The following VPS33A variants were observed in gnomAD, a reference collection of about 807,000 sequenced individuals.
The protein encoded by VPS33A is VPS33A core subunit of CORVET and HOPS complexes.
VPS33A carries 32 observed loss-of-function variants against 71.8 expected under a neutral mutation model. The observed-to-expected ratio is 0.45, with a 90% CI of 0.34 to 0.60. The LOEUF (loss-of-function observed/expected upper bound fraction) is 0.60, where lower values mean the gene tolerates loss of function less well. Ranked by LOEUF, VPS33A falls within the 20% of genes least tolerant of loss-of-function variation. The pLI, the probability that VPS33A is intolerant of heterozygous loss-of-function variation, is 0.02. For missense variants in VPS33A, 625 were observed against 748.5 expected, an observed-to-expected ratio of 0.84 and a Z score of 1.92; for synonymous variants, 311 against 292.7, an observed-to-expected ratio of 1.06 and a Z score of -0.64.
At position 122,251,820 on chromosome 12, in the gene VPS33A, T is replaced by C. The variant is rs961148453; in HGVS notation, c.484-721A>G. Among the ~76,000 whole-genome samples, 7 of 151,352 alleles carry C rather than the reference T, an allele frequency of 4.6e-5. No individual in the cohort carries two copies. In the South Asian group the frequency reaches 1.2e-3, roughly 27 times the overall value. ...GGATAGCATTAGGAGATATACCTAA[T>C]GTAAATGATGAGTTAATGGGTGCAG... On this transcript the variant is annotated intron_variant, in intron 4 of 12. Transcript: ENST00000267199.
At chr12:122,250,929 C>T in intron 5 of VPS33A, 54 bp downstream of exon 5, 3 of 1,301,006 alleles carry the variant, frequency 2.3e-6, no homozygotes, top group African/African-American at 1.5e-5. Flanking sequence ...GTTCCTCCTC[C>T]CTTTTGGGGT....
intron 8 of VPS33A, 63 bp from the exon 9 acceptor site, chr12:122,240,008 CT>C: frequency 1.6e-6 from 2 of 1,241,008 alleles, no homozygotes; most frequent in Non-Finnish European, 2.4e-6. Context: ...GAGTGGCATG[CT>C]TTTATACACA....
chr12:122,242,760 G>T (rs961615070), intron 7 of VPS33A, among the ~76,000 whole-genome samples: 3 of 152,004 alleles, frequency 2.0e-5, no homozygotes, highest in Non-Finnish European at 2.9e-5. Flanking sequence ...CACCATATTG[G>T]TCAGGCTGGT....
intron 8 of VPS33A, 116 bp downstream of exon 8, chr12:122,242,266 G>A: frequency 1.6e-6 from 2 of 1,261,980 alleles, no homozygotes; most frequent in African/African-American, 1.5e-5. Flanking sequence ...AGAACACGTG[G>A]TATTAAGACA....
At chr12:122,262,894 G>A (rs1400971576) in intron 3 of VPS33A, among the ~76,000 whole-genome samples, 1 of 151,868 alleles carries the variant, frequency 6.6e-6, no homozygotes, top group Admixed American at 6.6e-5. Context: ...ATGTTTTGAT[G>A]TGGGCATGCA....
At position 122,231,402 on chromosome 12, in the gene VPS33A, C is replaced by A. The variant is rs944035457; in HGVS notation, c.*844G>T. On this transcript the variant is annotated 3_prime_UTR_variant, in exon 13 of 13. Coordinates refer to ENST00000267199, the MANE Select transcript of VPS33A (RefSeq NM_022916.6). ...GCAAACTTGCCTTAGTGATCAGTTG[C>A]GACAGTGACTGATGACCCTAAATAT... The A allele has an allele frequency of 1.4e-4, 21 of 152,124 alleles. No individual in the cohort carries two copies. Among genetic ancestry groups the A allele is most frequent in the African/African-American group, 4.3e-4 (18 of 41,400 alleles). The allele number at this position is 152,124 out of a possible 1,614,324, so 9.4% of individuals were successfully genotyped here. A position where few individuals can be genotyped will look rare whatever the true frequency, so the allele number is the denominator to read the frequency against.
chr12:122,261,013 CA>C (rs1954986115), intron 4 of VPS33A, among the ~76,000 whole-genome samples: 1 of 152,176 alleles, frequency 6.6e-6, no homozygotes, highest in African/African-American at 2.4e-5. Context: ...AGTTAAAAGA[CA>C]AGTCACAGAC....
intron 11 of VPS33A, among the ~76,000 whole-genome samples, chr12:122,235,421 T>C (rs1168206444): frequency 6.6e-6 from 1 of 151,994 alleles, no homozygotes; most frequent in Non-Finnish European, 1.5e-5. Context: ...CGCACCACAA[T>C]GCTGGGCTAA....
chr12:122,262,825 C>T (rs1304273408), intron 3 of VPS33A, among the ~76,000 whole-genome samples: 1 of 151,488 alleles, frequency 6.6e-6, no homozygotes, highest in African/African-American at 2.4e-5. Flanking sequence ...TTCTCATCCT[C>T]TCTATTTTTA....
intron 9 of VPS33A, among the ~76,000 whole-genome samples, chr12:122,239,392 A>G (rs1954678242): frequency 6.6e-6 from 1 of 152,128 alleles, no homozygotes; most frequent in Non-Finnish European, 1.5e-5. Context: ...AATGTTAAAT[A>G]TCTGTTACTT....
rs184959004 is a variant in VPS33A, at chr12:122,234,983, C to T, written c.1440+803G>A. On this transcript the variant is annotated intron_variant, in intron 11 of 12. Coordinates refer to ENST00000267199, the MANE Select transcript of VPS33A (RefSeq NM_022916.6). ...CCACTGCACTGCCTCTCCACTCTTC[C>T]CACATCTTTATTTATTTGAGACAGA... Among the ~76,000 whole-genome samples, 385 of 152,220 alleles carry T rather than the reference C, an allele frequency of 2.5e-3. 2 individuals carry two copies. Among genetic ancestry groups the T allele is most frequent in the African/African-American group, 9.1e-3 (377 of 41,538 alleles).
intron 4 of VPS33A, among the ~76,000 whole-genome samples, chr12:122,256,609 G>GAGCAGCAGCAGCGGCACC (rs1555249812): frequency 1.3e-5 from 2 of 151,928 alleles, no homozygotes; most frequent in Admixed American, 6.6e-5. Flanking sequence ...CTAGTCTCCA[G>GAGCAGCAGCAGCGGCACC]AGCAGCAGCA....
chr12:122,232,460 T>C (rs1954576030), intron 12 of VPS33A, 33 bp from the exon 13 acceptor site: 1 of 1,575,172 alleles, frequency 6.3e-7, no homozygotes, highest in Non-Finnish European at 8.6e-7. Flanking sequence ...TTAAAAACTA[T>C]TTATTATTAA....
chr12:122,244,347 C>T (rs1370072951), intron 7 of VPS33A, among the ~76,000 whole-genome samples: 1 of 152,144 alleles, frequency 6.6e-6, no homozygotes, highest in Non-Finnish European at 1.5e-5. Context: ...TGCGCCTCCA[C>T]CTACCCTCCA....
chr12:122,261,989 G>A (rs556369757), intron 3 of VPS33A, among the ~76,000 whole-genome samples: 5 of 152,092 alleles, frequency 3.3e-5, no homozygotes, highest in African/African-American at 7.2e-5. Flanking sequence ...GCAACACAGC[G>A]AGACTCCATC....
Position 122,250,981 on chromosome 12 carries a change from A to C in VPS33A, c.600+2T>G. The stretch of plus-strand genomic sequence containing the variant: ...TACCACCACAAAGCAGCCGGTTCTC[A>C]CCCGAGCGCATTCTCCTTTCCCAAA... On this transcript the variant is annotated splice_donor_variant, in intron 5 of 12. Coordinates refer to ENST00000267199, the MANE Select transcript of VPS33A (RefSeq NM_022916.6). LOFTEE classifies it high-confidence loss of function. 6.2e-7 allele frequency: 1 copy of C among 1,612,210 alleles called. No individual in the cohort carries two copies. Among genetic ancestry groups the C allele is most frequent in the Non-Finnish European group, 8.5e-7 (1 of 1,178,512 alleles).
intron 5 of VPS33A, among the ~76,000 whole-genome samples, chr12:122,250,415 T>C (rs1954827561): frequency 6.6e-6 from 1 of 152,192 alleles, no homozygotes; most frequent in Non-Finnish European, 1.5e-5. Flanking sequence ...AATTGATCAA[T>C]ACGTAACCCA....
chr12:122,241,407 C>A (rs1352693522), intron 8 of VPS33A, among the ~76,000 whole-genome samples: 14 of 151,856 alleles, frequency 9.2e-5, no homozygotes, highest in Non-Finnish European at 1.8e-4. Context: ...CCGGTTCAAG[C>A]AATTCTCCTG....
intron 11 of VPS33A, among the ~76,000 whole-genome samples, chr12:122,235,017 G>A (rs1202194294): frequency 6.6e-6 from 1 of 152,088 alleles, no homozygotes; most frequent in African/African-American, 2.4e-5. Context: ...GAGTCTTACT[G>A]TGTAGCCCAG....
Sources: allele counts gnomAD v4.1 joint callset (sites outside exome capture counted in the v4.1 genomes callset), GRCh38; gene constraint gnomAD v4.1.1; transcripts MANE v1.5; gene names NCBI Gene and HGNC (gene_info 2026-07-23, HGNC 2026-07-21).